CCT6A: variants seen among roughly 807,000 people sequenced by gnomAD.
CCT6A encodes chaperonin containing TCP1 subunit 6A, also known as T-complex protein 1 subunit zeta.
A neutral mutation model predicts 58.6 loss-of-function variants in CCT6A; 6 were observed. The observed-to-expected ratio is 0.10, with a 90% confidence interval of 0.06 to 0.20. The LOEUF is 0.20. Among genes scored for constraint, CCT6A ranks in the 10% least tolerant of loss-of-function variants. CCT6A has a pLI of 1.00. For missense variants in CCT6A, 516 were observed against 648.8 expected (o/e 0.80, Z 2.22); for synonymous variants, 245 against 227.8 (o/e 1.08, Z -0.68).
chr7:56,062,577 CATAG>C (rs1794480251), intron 12 of CCT6A, 102 bp from the exon 13 acceptor site: 6 of 935,714 alleles, frequency 6.4e-6, no homozygotes, highest in Non-Finnish European at 1.0e-5. Context: ...TTTGAATTCT[CATAG>C]TTAATACTGG....
In CCT6A at chr7:56,051,875, CA is replaced by C; in HGVS notation, c.29del (p.Lys10ArgfsTer25). MAAVKTLNP[K>X]AEVARAQAAL... ...TGGCGGCGGTGAAGACCCTGAACCC[CA>C]AGGCCGAGGTGGCCCGAGCGCAGGC... On this transcript the variant is annotated frameshift_variant, in exon 1 of 14. Coordinates refer to ENST00000275603, the MANE Select transcript of CCT6A (RefSeq NM_001762.4). LOFTEE classifies it high-confidence loss of function. 6.4e-7 allele frequency: 1 copy of C among 1,561,018 alleles called. No individual in the cohort carries two copies. The highest frequency in any genetic ancestry group is 8.7e-7 in the Non-Finnish European group (1 of 1,153,268).
intron 5 of CCT6A, among the ~76,000 whole-genome samples, chr7:56,057,630 C>G (rs770970627): frequency 6.6e-6 from 1 of 152,206 alleles, no homozygotes; most frequent in Non-Finnish European, 1.5e-5. Context: ...CCTGTAATCC[C>G]AGCACTTTGG....
rs1201869222 is a variant in CCT6A, at chr7:56,063,089, G to A, written c.*4G>A. 1 of 1,584,102 alleles carries A rather than the reference G, an allele frequency of 6.3e-7. No homozygotes were observed. The highest frequency in any genetic ancestry group is 8.7e-7 in the Non-Finnish European group (1 of 1,152,722). ...AATGTCTTCTCTGAAAGGTTGAATTGAAGCTTCCTCTGTATCTGAATCTTG... is the reference window on the plus strand; with the variant it reads ...AATGTCTTCTCTGAAAGGTTGAATTAAAGCTTCCTCTGTATCTGAATCTTG... On this transcript the variant is annotated 3_prime_UTR_variant, in exon 14 of 14. Transcript: ENST00000275603.
At chr7:56,060,692 T>C in intron 10 of CCT6A, 115 bp from the exon 11 acceptor site, 1 of 1,335,648 alleles carries the variant, frequency 7.5e-7, no homozygotes, top group Admixed American at 1.8e-5. Flanking sequence ...TGTTAGTCAC[T>C]TGTATTTTGT....
At chr7:56,058,329 C>T (rs1338328343) in intron 6 of CCT6A, 33 bp from the exon 7 acceptor site, 8 of 1,500,004 alleles carry the variant, frequency 5.3e-6, no homozygotes, top group Non-Finnish European at 7.2e-6. Context: ...TTAATGTTTC[C>T]CTGCTTTCTG....
chr7:56,061,426 A>G (rs1197560533), intron 11 of CCT6A, among the ~76,000 whole-genome samples: 2 of 130,072 alleles, frequency 1.5e-5, no homozygotes, highest in Non-Finnish European at 3.1e-5. Flanking sequence ...CCCAGGCTGG[A>G]GTGTAATGGT....
chr7:56,059,858 T>C, intron 9 of CCT6A: 1 of 257,694 alleles, frequency 3.9e-6, no homozygotes, highest in Non-Finnish European at 7.3e-6. Context: ...GACTGGCTAA[T>C]TTTTTTTTTT....
chr7:56,060,936 C>T lies in CCT6A; in HGVS notation c.1343C>T (p.Pro448Leu). The change falls in exon 11 of 14, where the codon CCC becomes CTC. Residue 448 changes from proline to leucine, a missense_variant. Physicochemically the swap from Pro to Leu is moderately conservative, Grantham distance 98. This residue lies in a region of CCT6A where 315 missense variants were observed against 389.4 expected (regional missense o/e 0.81). Transcript: ENST00000275603. ...QAFADALLII[P>L]KVLAQNSGFD... ...TTTGCTGATGCATTGCTCATTATTC[C>T]CAAGGTGTGCATGCTTTTAACAGTC... 1 of 1,607,670 alleles carries T rather than the reference C, an allele frequency of 6.2e-7. No homozygotes were observed. The highest frequency in any genetic ancestry group is 8.5e-7 in the Non-Finnish European group (1 of 1,178,166).
Position 56,051,771 on chromosome 7 carries a change from C to G in CCT6A, c.-78C>G. 3 of 1,514,324 alleles carry G rather than the reference C, an allele frequency of 2.0e-6. No individual in the cohort carries two copies. Among genetic ancestry groups the G allele is most frequent in the Non-Finnish European group, 2.7e-6 (3 of 1,126,170 alleles). 93.8% of individuals were successfully genotyped at this position (1,514,324 alleles called of 1,614,324 possible). Reference sequence around the variant, plus strand: ...CAGACGGGCCGACTTTTCCAGAAGACCCGGATAGTTCCTCCCGGCCACGCC... The same window carrying G: ...CAGACGGGCCGACTTTTCCAGAAGAGCCGGATAGTTCCTCCCGGCCACGCC... On this transcript the variant is annotated 5_prime_UTR_variant, in exon 1 of 14. Transcript: ENST00000275603.
rs1213570367 is a variant in CCT6A, at chr7:56,063,845, A to G, written c.*760A>G. 1 of 173,536 alleles carries G rather than the reference A, an allele frequency of 5.8e-6. No individual in the cohort carries two copies. Among genetic ancestry groups the G allele is most frequent in the South Asian group, 1.4e-4 (1 of 7,164 alleles). The allele number at this position is 173,536 out of a possible 1,614,324, so 10.7% of individuals were successfully genotyped here. ...CTCTAGCGTCATATTTTTCTCACCCAAATTACGTTTCCACGAGATTATTTA... is the reference window on the plus strand; with the variant it reads ...CTCTAGCGTCATATTTTTCTCACCCGAATTACGTTTCCACGAGATTATTTA... On this transcript the variant is annotated 3_prime_UTR_variant, in exon 14 of 14. Coordinates refer to ENST00000275603, the MANE Select transcript of CCT6A (RefSeq NM_001762.4).
intron 11 of CCT6A, 39 bp from the exon 12 acceptor site, chr7:56,061,708 A>G: frequency 3.3e-6 from 1 of 298,890 alleles, no homozygotes; most frequent in Non-Finnish European, 5.8e-6. Flanking sequence ...ATCAGTTATT[A>G]GTTCCTGTTT....
chr7:56,060,361 G>A lies in CCT6A; in HGVS notation c.1158G>A (p.Gln386=), dbSNP rs755711014. ...IKGPNKHTLT[Q]IKDAVRDGLR... ...GACCAAATAAGCACACACTCACTCA[G>A]ATCAAAGATGCAGTGAGGGACGGCT... The change falls in exon 10 of 14, where the codon CAG becomes CAA. Residue 386 remains glutamine, a synonymous_variant. Coordinates refer to ENST00000275603, the MANE Select transcript of CCT6A (RefSeq NM_001762.4). The A allele has an allele frequency of 1.9e-6, 3 of 1,613,766 alleles. No individual in the cohort carries two copies. Among genetic ancestry groups the A allele is most frequent in the Non-Finnish European group, 1.7e-6 (2 of 1,179,784 alleles).
intron 12 of CCT6A, 31 bp from the exon 13 acceptor site, chr7:56,062,651 TG>T (rs762135960): frequency 1.3e-6 from 2 of 1,576,750 alleles, no homozygotes; most frequent in South Asian, 2.2e-5. Context: ...TCTTACTGAC[TG>T]AACTTATTTT....
chr7:56,052,311 C>T (rs1794136253), intron 1 of CCT6A, 111 bp from the exon 2 acceptor site: 2 of 926,450 alleles, frequency 2.2e-6, no homozygotes, highest in Non-Finnish European at 3.5e-6. Flanking sequence ...CTGGACATAA[C>T]TAGCCCCACA....
At chr7:56,060,005 G>A (rs1454255631) in intron 9 of CCT6A, 1 of 487,902 alleles carries the variant, frequency 2.0e-6, no homozygotes, top group East Asian at 3.6e-5. Context: ...CCTGGTTCAT[G>A]AAGTCTTTAG....
intron 11 of CCT6A, 97 bp downstream of exon 11, chr7:56,061,037 C>G: frequency 1.5e-6 from 2 of 1,327,994 alleles, no homozygotes; most frequent in Non-Finnish European, 2.0e-6. Context: ...TTTGGATAAG[C>G]AAGTTTGATC....
chr7:56,059,306 A>G (rs1476892841), intron 8 of CCT6A, among the ~76,000 whole-genome samples: 1 of 152,176 alleles, frequency 6.6e-6, no homozygotes, highest in Non-Finnish European at 1.5e-5. Flanking sequence ...TGGCTAATAA[A>G]GAGCTCTTGT....
chr7:56,063,615 A>G lies in CCT6A; in HGVS notation c.*530A>G, dbSNP rs1480623558. 6.1e-6 allele frequency: 1 copy of G among 165,134 alleles called. No homozygotes were observed. The highest frequency in any genetic ancestry group is 2.4e-5 in the African/African-American group (1 of 41,510). 10.2% of individuals were successfully genotyped at this position (165,134 alleles called of 1,614,324 possible). A position where few individuals can be genotyped will look rare whatever the true frequency, so the allele number is the denominator to read the frequency against. On this transcript the variant is annotated 3_prime_UTR_variant, in exon 14 of 14. Transcript: ENST00000275603. ...ATGGCTTTGCTAAAATGCTCCCGCC[A>G]CAAAGTTGTAGGAAATGGGAAGAGG...
At chr7:56,054,308 C>T (rs1379289039) in intron 2 of CCT6A, 61 bp from the exon 3 acceptor site, 1 of 1,416,494 alleles carries the variant, frequency 7.1e-7, no homozygotes, top group East Asian at 2.3e-5. Flanking sequence ...TGCATTTTGT[C>T]TGTGGTATAT....
Sources: allele counts gnomAD v4.1 joint callset (sites outside exome capture counted in the v4.1 genomes callset), GRCh38; gene constraint gnomAD v4.1.1; regional missense constraint gnomAD v4.1.1; transcripts MANE v1.5; gene names NCBI Gene and HGNC (gene_info 2026-07-23, HGNC 2026-07-21).